The following MMUT variants were observed in gnomAD, a reference collection of about 807,000 sequenced individuals.
MMUT encodes the protein methylmalonyl-CoA mutase.
A neutral mutation model predicts 79.9 loss-of-function variants in MMUT; 79 were observed. The ratio of observed to expected loss-of-function variants is 0.99; its 90% CI spans 0.82 to 1.19. The LOEUF is 1.19. Ranked by LOEUF, MMUT falls within the 50% of genes most tolerant of loss-of-function variation. MMUT has a pLI of 0.00. For synonymous variants in MMUT, 273 were observed against 295.7 expected (o/e 0.92, Z 0.79); for missense variants, 860 against 917.2 (o/e 0.94, Z 0.81).
At chr6:49,451,922 C>G (rs1767564528) in intron 5 of MMUT, among the ~76,000 whole-genome samples, 1 of 152,152 alleles carries the variant, frequency 6.6e-6, no homozygotes. Flanking sequence ...CTCTTATAAT[C>G]CTCTGAAATA....
intron 5 of MMUT, among the ~76,000 whole-genome samples, chr6:49,452,738 T>G (rs1022726858): frequency 1.3e-5 from 2 of 152,170 alleles, no homozygotes; most frequent in Non-Finnish European, 2.9e-5. Context: ...CACATATAAA[T>G]TATTTTTAAA....
Position 49,430,914 on chromosome 6 carries a change from A to T in MMUT, c.*814T>A, listed in dbSNP as rs1766956540. On this transcript the variant is annotated 3_prime_UTR_variant, in exon 13 of 13. Transcript: ENST00000274813. ...TTTTTGCAATTTATGTTTAAGGAGC[A>T]AATCTATGCAAGGTAGCATCTTTCT... The T allele has an allele frequency of 6.6e-6, 1 of 152,190 alleles. No individual in the cohort carries two copies. The highest frequency in any genetic ancestry group is 2.4e-5 in the African/African-American group (1 of 41,440). The allele number at this position is 152,190 out of a possible 1,614,324, so 9.4% of individuals were successfully genotyped here.
intron 8 of MMUT, among the ~76,000 whole-genome samples, chr6:49,447,437 T>C (rs1767436184): frequency 6.6e-6 from 1 of 151,848 alleles, no homozygotes; most frequent in Non-Finnish European, 1.5e-5. Flanking sequence ...GATATCATGG[T>C]TTAAAACAAG....
At chr6:49,461,870 T>A (rs1403197491) in intron 1 of MMUT, among the ~76,000 whole-genome samples, 1 of 152,188 alleles carries the variant, frequency 6.6e-6, no homozygotes, top group East Asian at 1.9e-4. Context: ...AGCCATCCAC[T>A]ACATTTACTA....
At position 49,435,449 on chromosome 6, in the gene MMUT, A is replaced by G. The variant is rs2127413324; in HGVS notation, c.2124+7T>C. ...CACAGTACTAGAAAAATAGAGATAA[A>G]AAATACCTGAGGTGGTATCACCCCT... On this transcript the variant is annotated splice_region_variant and intron_variant, in intron 12 of 12. Coordinates refer to ENST00000274813, the MANE Select transcript of MMUT (RefSeq NM_000255.4). The G allele has an allele frequency of 3.1e-6, 5 of 1,612,248 alleles. No individual in the cohort carries two copies. The highest frequency in any genetic ancestry group is 4.2e-6 in the Non-Finnish European group (5 of 1,178,304).
chr6:49,441,324 T>C (rs1046949206), intron 10 of MMUT, among the ~76,000 whole-genome samples: 3 of 152,096 alleles, frequency 2.0e-5, no homozygotes, highest in African/African-American at 7.2e-5. Flanking sequence ...TACTTTCAAT[T>C]ATGAAAATTA....
chr6:49,458,082 G>A, intron 2 of MMUT, 24 bp from the exon 3 acceptor site: 1 of 1,596,824 alleles, frequency 6.3e-7, no homozygotes, highest in Non-Finnish European at 8.5e-7. Context: ...GAAAAATAAT[G>A]TAAGATTCAA....
intron 9 of MMUT, chr6:49,443,785 T>C (rs1386552039): frequency 9.1e-6 from 4 of 439,824 alleles, no homozygotes; most frequent in Non-Finnish European, 9.2e-6. Context: ...AAACTTTACC[T>C]TGCCAAATAT....
intron 8 of MMUT, among the ~76,000 whole-genome samples, chr6:49,446,150 C>T (rs908072727): frequency 2.6e-5 from 4 of 151,644 alleles, no homozygotes; most frequent in Non-Finnish European, 5.9e-5. Context: ...AAAACAGATG[C>T]TAAAATTAAT....
chr6:49,435,719 T>C (rs1767105739), intron 11 of MMUT, 96 bp from the exon 12 acceptor site: 5 of 1,287,998 alleles, frequency 3.9e-6, no homozygotes, highest in Admixed American at 2.3e-5. Context: ...ATTCAGAACA[T>C]ACTAATGGGC....
At chr6:49,446,631 C>T (rs1395876806) in intron 8 of MMUT, among the ~76,000 whole-genome samples, 2 of 151,660 alleles carry the variant, frequency 1.3e-5, no homozygotes, top group Non-Finnish European at 3.0e-5. Flanking sequence ...TACACAAAAA[C>T]AACAATTCAA....
intron 9 of MMUT, among the ~76,000 whole-genome samples, chr6:49,442,963 T>A (rs1203495869): frequency 6.6e-6 from 1 of 152,128 alleles, no homozygotes; most frequent in Non-Finnish European, 1.5e-5. Context: ...TTAATGAAAT[T>A]AGTAGTAGAA....
chr6:49,444,286 C>G (rs1229545273), intron 9 of MMUT, among the ~76,000 whole-genome samples: 2 of 151,988 alleles, frequency 1.3e-5, no homozygotes, highest in African/African-American at 4.8e-5. Context: ...TTCCCCTCCC[C>G]ACCCCACAGC....
rs983433883 is a variant in MMUT at position 49,457,904 on chromosome 6, T to C, written c.540A>G (p.Glu180=). 1.9e-6 allele frequency: 3 copies of C among 1,613,940 alleles called. No homozygotes were observed. Among genetic ancestry groups the C allele is most frequent in the Non-Finnish European group, 2.5e-6 (3 of 1,179,958 alleles). ...TCATAGTCATGGAAACTGACATTTTTTCTAAAGGAATTCCATCAAAAAGAA... is the reference window on the plus strand; with the variant it reads ...TCATAGTCATGGAAACTGACATTTTCTCTAAAGGAATTCCATCAAAAAGAA... ...TKILFDGIPL[E]KMSVSMTMNG... The change falls in exon 3 of 13, where the codon GAA becomes GAG. Residue 180 remains glutamate, a synonymous_variant. Coordinates refer to ENST00000274813, the MANE Select transcript of MMUT (RefSeq NM_000255.4).
chr6:49,444,511 G>A (rs569387137), intron 9 of MMUT, 128 bp downstream of exon 9: 54 of 746,548 alleles, frequency 7.2e-5, no homozygotes, highest in East Asian at 1.5e-4. Context: ...TTAAATTTAC[G>A]ATGGATGCCA....
At chr6:49,447,022 T>G (rs935214250) in intron 8 of MMUT, among the ~76,000 whole-genome samples, 9 of 151,854 alleles carry the variant, frequency 5.9e-5, no homozygotes, top group African/African-American at 2.2e-4. Context: ...ATATATAGGT[T>G]ACAACAGTGA....
chr6:49,457,658 T>A (rs1159547468), intron 3 of MMUT, 33 bp downstream of exon 3: 1 of 1,576,062 alleles, frequency 6.3e-7, no homozygotes, highest in Non-Finnish European at 8.6e-7. Flanking sequence ...TTCAAGGAAC[T>A]ATAGAAAAAC....
intron 4 of MMUT, among the ~76,000 whole-genome samples, chr6:49,455,704 A>G (rs1485982461): frequency 6.6e-6 from 1 of 152,238 alleles, no homozygotes; most frequent in African/African-American, 2.4e-5. Flanking sequence ...AGTGGATCCC[A>G]AAACATTACA....
Position 49,456,206 on chromosome 6 carries a change from C to A in MMUT, c.785G>T (p.Ser262Ile), listed in dbSNP as rs1767683356. The change falls in exon 4 of 13, where the codon AGT becomes ATT. Residue 262 changes from serine to isoleucine, a missense_variant. Physicochemically the swap from Ser to Ile is moderately radical, Grantham distance 142 (BLOSUM62 -2). Coordinates refer to ENST00000274813, the MANE Select transcript of MMUT (RefSeq NM_000255.4). ...CCCTGCTTCCTGCATATGGTATCCA[C>A]TAATTGAAATTGAATTAAATTTTGG... is the stretch of plus-strand genomic sequence containing the variant. ...HMPKFNSISI[S>I]GYHMQEAGAD... 1 of 1,610,968 alleles carries A rather than the reference C, an allele frequency of 6.2e-7. No individual in the cohort carries two copies. Among genetic ancestry groups the A allele is most frequent in the Non-Finnish European group, 8.5e-7 (1 of 1,177,718 alleles).
Sources: gnomAD v4.1 joint callset for allele counts (sites outside exome capture counted in the v4.1 genomes callset) on GRCh38, gnomAD v4.1.1 for gene constraint, MANE v1.5 for transcripts, NCBI Gene and HGNC (gene_info 2026-07-23, HGNC 2026-07-21) for gene names.